The following TNRC6A variants were observed in gnomAD, a reference collection of about 807,000 sequenced individuals.
TNRC6A encodes the protein trinucleotide repeat-containing gene 6A protein.
TNRC6A carries 44 observed loss-of-function variants against 221.2 expected under a neutral mutation model. The ratio of observed to expected loss-of-function variants is 0.20; its 90% CI spans 0.16 to 0.26. TNRC6A has a LOEUF of 0.26. Among genes scored for constraint, TNRC6A ranks in the 10% least tolerant of loss-of-function variants. The probability of loss-of-function intolerance (pLI) is 1.00; values close to 1 mark genes in which losing one functional copy is unlikely to be tolerated. For missense variants in TNRC6A, 2,199 were observed against 2,404.4 expected (o/e 0.91, Z 1.79); for synonymous variants, 847 against 838.5 (o/e 1.01, Z -0.18).
rs560848039 is a variant in TNRC6A at position 24,768,300 on chromosome 16, G to A, written c.164-8633G>A. ...CAAAAAATTAGCCAGGCGTGGTGGC[G>A]GGCGCGCCTGTAGTCCCAGCTACTC... On this transcript the variant is annotated intron_variant, in intron 4 of 24. Coordinates refer to ENST00000395799, the MANE Select transcript of TNRC6A (RefSeq NM_014494.4). 2.2e-4 allele frequency among the ~76,000 whole-genome samples: 33 copies of A among 152,002 alleles called. 1 individual carries two copies. The highest frequency in any genetic ancestry group is 7.5e-4 in the African/African-American group (31 of 41,434).
rs757891956 is a variant in TNRC6A, at chr16:24,823,519, C to T, written c.5601C>T (p.Thr1867=). 6.2e-7 allele frequency: 1 copy of T among 1,614,120 alleles called. No homozygotes were observed. The highest frequency in any genetic ancestry group is 8.5e-7 in the Non-Finnish European group (1 of 1,180,028). Residue 1867 remains threonine (T), a synonymous_variant, in exon 25 of 25, where the codon ACC becomes ACT. Coordinates refer to ENST00000395799, the MANE Select transcript of TNRC6A (RefSeq NM_014494.4). This position sits in a 1 kb window ranked among gnomAD's most constrained non-coding sequence, Gnocchi z 4.3. ...SRFFAQSQSL[T]PSPGWQSLGS... is the part of the protein sequence containing the mutation. Reference sequence around the variant, plus strand: ...TCTTTGCACAAAGCCAGTCTCTGACCCCTTCTCCCGGCTGGCAGTCTCTCG... The same window carrying T: ...TCTTTGCACAAAGCCAGTCTCTGACTCCTTCTCCCGGCTGGCAGTCTCTCG...
intron 2 of TNRC6A, among the ~76,000 whole-genome samples, chr16:24,738,392 C>G (rs2056817319): frequency 6.6e-6 from 1 of 152,198 alleles, no homozygotes; most frequent in Non-Finnish European, 1.5e-5. Context: ...GCACCACTGT[C>G]TAATTCTAGA....
At chr16:24,757,622 C>T (rs537666648) in intron 3 of TNRC6A, among the ~76,000 whole-genome samples, 3 of 152,248 alleles carry the variant, frequency 2.0e-5, no homozygotes, top group South Asian at 2.1e-4. Context: ...CGAGTTAACC[C>T]TGCTGTCCTC....
intron 2 of TNRC6A, among the ~76,000 whole-genome samples, chr16:24,676,717 G>A (rs1195854330): frequency 6.6e-6 from 1 of 152,122 alleles, no homozygotes; most frequent in African/African-American, 2.4e-5. Context: ...GCCTCCCAAA[G>A]TGCTAGGATT....
At chr16:24,820,499 A>G (rs2058746690) in intron 22 of TNRC6A, 139 bp downstream of exon 22, 1 of 741,674 alleles carries the variant, frequency 1.3e-6, no homozygotes, top group Non-Finnish European at 2.3e-6. Context: ...TCGGTAAACA[A>G]ATGATCCACC....
Position 24,789,238 on chromosome 16 carries a change from A to G in TNRC6A, c.596A>G (p.Asn199Ser). The change falls in exon 6 of 25, where the codon AAC becomes AGC. Residue 199 changes from asparagine (N) to serine (S), a missense_variant. Asn to Ser is a conservative substitution (Grantham distance 46, BLOSUM62 1). Around this residue, in one of 8 missense-constraint regions of TNRC6A, gnomAD observed 1,405 missense variants for 1,400.2 expected, o/e 1.00. Coordinates refer to ENST00000395799, the MANE Select transcript of TNRC6A (RefSeq NM_014494.4). ...VQNSKNQSDINHSTSGSHYEN... is the reference protein window; with the variant it reads ...VQNSKNQSDISHSTSGSHYEN... Reference sequence around the variant, plus strand: ...TACTTCTCCTTTATCCTAGATATAAACCACAGTACTTCAGGATCCCATTAT... The same window carrying G: ...TACTTCTCCTTTATCCTAGATATAAGCCACAGTACTTCAGGATCCCATTAT... 1 of 1,591,342 alleles carries G rather than the reference A, an allele frequency of 6.3e-7. No individual in the cohort carries two copies.
rs753855787 is a variant in TNRC6A at position 24,638,135 on chromosome 16, C to T, written n.277-2749C>T. ...AAACAGGCAGCAAAAATCAGTATAG[C>T]GGCCAGGCGCAGTGGCTCGCCACTA... On this transcript the variant is annotated intron_variant and non_coding_transcript_variant, in intron 1 of 2. Transcript: ENST00000566108. 5.9e-5 allele frequency among the ~76,000 whole-genome samples: 9 copies of T among 152,160 alleles called. No homozygotes were observed. The East Asian group carries it at 9.6e-4, about 16-fold the overall frequency.
In TNRC6A at chr16:24,804,161, C is replaced by G. The variant is rs761016962; in HGVS notation, c.3695-16C>G. On this transcript the variant is annotated splice_polypyrimidine_tract_variant and intron_variant, in intron 11 of 24. Transcript: ENST00000395799. ...GGTTGTCTTCCTGTTTGATAACAGT[C>G]TCCTGCCTTTATTAGGAATGTTACA... is the stretch of plus-strand genomic sequence containing the variant. 8 of 1,587,046 alleles carry G rather than the reference C, an allele frequency of 5.0e-6. No homozygotes were observed. Among genetic ancestry groups the G allele is most frequent in the South Asian group, 1.2e-5 (1 of 85,622 alleles).
At chr16:24,812,299 G>A (rs2058563069) in intron 18 of TNRC6A, among the ~76,000 whole-genome samples, 1 of 152,122 alleles carries the variant, frequency 6.6e-6, no homozygotes, top group Middle Eastern at 3.4e-3. Context: ...TGATCTGCCT[G>A]CCTCAGCCTG....
At chr16:24,716,999 T>C (rs1596539799) in intron 2 of TNRC6A, among the ~76,000 whole-genome samples, 1 of 148,392 alleles carries the variant, frequency 6.7e-6, no homozygotes, top group Admixed American at 6.7e-5. Context: ...CTTGAATGAA[T>C]GAATAGATGA....
chr16:24,675,542 A>C (rs1022209406), intron 2 of TNRC6A, among the ~76,000 whole-genome samples: 3 of 150,938 alleles, frequency 2.0e-5, no homozygotes, highest in Admixed American at 6.6e-5. Flanking sequence ...TTAGCTGGGC[A>C]TGGTGGTGCA....
intron 2 of TNRC6A, among the ~76,000 whole-genome samples, chr16:24,741,312 T>C (rs1486242845): frequency 6.6e-6 from 1 of 152,196 alleles, no homozygotes; most frequent in East Asian, 1.9e-4. Flanking sequence ...AAGTTTTCTT[T>C]TATTCCTGTT....
chr16:24,622,707 G>A (rs887930835), intron 1 of TNRC6A, among the ~76,000 whole-genome samples: 21 of 152,168 alleles, frequency 1.4e-4, no homozygotes, highest in Admixed American at 8.5e-4. Context: ...AGGACAAACA[G>A]AACGCTAGGA....
chr16:24,760,354 A>G (rs1425906883), intron 4 of TNRC6A, among the ~76,000 whole-genome samples: 1 of 152,142 alleles, frequency 6.6e-6, no homozygotes, highest in Admixed American at 6.5e-5. Context: ...AACATCTTTG[A>G]GTACCTAGTG....
At chr16:24,660,835 G>A (rs779054377) in intron 2 of TNRC6A, among the ~76,000 whole-genome samples, 4 of 134,074 alleles carry the variant, frequency 3.0e-5, no homozygotes, top group East Asian at 2.6e-4. Context: ...TCCGCCTCCC[G>A]GGTTCACGCC....
chr16:24,751,454 A>G (rs1013546205), intron 3 of TNRC6A, among the ~76,000 whole-genome samples: 1 of 152,182 alleles, frequency 6.6e-6, no homozygotes, highest in African/African-American at 2.4e-5. Context: ...AGTATAGGAA[A>G]CTATAATTCA....
intron 2 of TNRC6A, among the ~76,000 whole-genome samples, chr16:24,687,904 G>C (rs1856938783): frequency 7.2e-6 from 1 of 139,450 alleles, no homozygotes; most frequent in African/African-American, 2.6e-5. Flanking sequence ...CAACTTTCTT[G>C]GACATGCTTC....
intron 2 of TNRC6A, among the ~76,000 whole-genome samples, chr16:24,655,421 G>C (rs2054889563): frequency 6.6e-6 from 1 of 151,826 alleles, no homozygotes; most frequent in Admixed American, 6.6e-5. Flanking sequence ...AAGCATGGTG[G>C]CTCATGCCTG....
At chr16:24,646,240 T>TA (rs1327471044) in intron 2 of TNRC6A, among the ~76,000 whole-genome samples, 1 of 152,196 alleles carries the variant, frequency 6.6e-6, no homozygotes, top group Non-Finnish European at 1.5e-5. Context: ...CTTTGATTAT[T>TA]AAATATTTGG....
Sources: gnomAD v4.1 joint callset for allele counts (sites outside exome capture counted in the v4.1 genomes callset) on GRCh38, gnomAD v4.1.1 for gene constraint, gnomAD v4.1.1 regional missense constraint, Gnocchi (gnomAD v3.1) non-coding constraint, MANE v1.5 for transcripts, NCBI Gene and HGNC (gene_info 2026-07-23, HGNC 2026-07-21) for gene names.